Variants in AP2B1 observed in about 807,000 individuals in gnomAD.
AP2B1 encodes the protein AP-2 complex subunit beta.
Under a neutral mutation model 102.0 loss-of-function variants are expected in AP2B1, and 23 were observed. The observed-to-expected ratio is 0.23, with a 90% confidence interval of 0.16 to 0.32. The LOEUF is 0.32. AP2B1 is among the 10% of genes least tolerant of loss of function. The pLI is 1.00. For synonymous variants in AP2B1, 381 were observed against 421.2 expected (o/e 0.90, Z 1.17); for missense variants, 541 against 1,157.4 (o/e 0.47, Z 7.73).
In AP2B1 at chr17:35,605,656, G is replaced by A. The variant is rs147396999; in HGVS notation, c.144-49G>A. 1.0e-5 allele frequency: 14 copies of A among 1,387,266 alleles called. No homozygotes were observed. The African/African-American group carries it at 1.6e-4, about 16-fold the overall frequency. 85.9% of individuals were successfully genotyped at this position (1,387,266 alleles called of 1,614,324 possible). Reference sequence around the variant, plus strand: ...TATTCATGTTCTGTCCAACAGCTTGGCACCAACACCTGCTTACTTTCCTTT... The same window carrying A: ...TATTCATGTTCTGTCCAACAGCTTGACACCAACACCTGCTTACTTTCCTTT... On this transcript the variant is annotated intron_variant, in intron 3 of 21. Transcript: ENST00000610402.
chr17:35,669,094 A>G (rs1010504134), intron 14 of AP2B1, among the ~76,000 whole-genome samples: 3 of 150,616 alleles, frequency 2.0e-5, no homozygotes, highest in South Asian at 2.1e-4. Flanking sequence ...TATCTTTTCT[A>G]TTCCCTTCAC....
intron 18 of AP2B1, among the ~76,000 whole-genome samples, chr17:35,699,715 G>A (rs184415147): frequency 6.6e-6 from 1 of 152,270 alleles, no homozygotes; most frequent in African/African-American, 2.4e-5. Context: ...TGTTTTGTCA[G>A]GGTCTCTGAG....
intron 21 of AP2B1, among the ~76,000 whole-genome samples, chr17:35,718,588 C>T (rs2085255841): frequency 1.3e-5 from 2 of 152,048 alleles, no homozygotes; most frequent in Non-Finnish European, 1.5e-5. Context: ...TAGCACATGC[C>T]TGTAATCCCA....
At chr17:35,650,851 C>G (rs973538173) in intron 13 of AP2B1, 62 bp downstream of exon 13, 1 of 1,550,260 alleles carries the variant, frequency 6.5e-7, no homozygotes, top group Non-Finnish European at 8.8e-7. Context: ...CGTTGCTCTT[C>G]TTTATGCTTT....
intron 14 of AP2B1, among the ~76,000 whole-genome samples, chr17:35,665,573 C>T (rs929285446): frequency 6.6e-6 from 1 of 152,100 alleles, no homozygotes; most frequent in Non-Finnish European, 1.5e-5. Context: ...AGGATTTTGA[C>T]GATAGTTAAG....
At chr17:35,711,475 A>C (rs226438) in intron 20 of AP2B1, among the ~76,000 whole-genome samples, 16,820 of 146,760 alleles carry the variant, frequency 0.11, 1,316 homozygotes, top group South Asian at 0.2. Flanking sequence ...CCCCCACCCC[A>C]CTCCCCGGCC....
In AP2B1 at chr17:35,694,910, C is replaced by T. The variant is rs147123543; in HGVS notation, c.2454+12086C>T. Among the ~76,000 whole-genome samples the T allele has an allele frequency of 2.0e-4, 31 of 151,688 alleles. No homozygotes were observed. In the South Asian group the frequency reaches 6.0e-3, roughly 30 times the overall value. On this transcript the variant is annotated intron_variant, in intron 18 of 21. Transcript: ENST00000610402. ...AAACAAAAACAAAACAAAACAAAAA[C>T]CCAGTAAGCCCTACATAGCAAATAA...
chr17:35,620,463 C>T (rs1379736155), intron 5 of AP2B1, among the ~76,000 whole-genome samples: 1 of 150,604 alleles, frequency 6.6e-6, no homozygotes, highest in Non-Finnish European at 1.5e-5. Flanking sequence ...ACCAACCAAA[C>T]AAACCCCAAG....
intron 18 of AP2B1, among the ~76,000 whole-genome samples, chr17:35,695,263 T>A (rs925853037): frequency 1.3e-5 from 2 of 152,162 alleles, no homozygotes; most frequent in African/African-American, 4.8e-5. Context: ...AGGTGGGTTA[T>A]ACATTGGCAG....
chr17:35,722,635 C>T (rs587611983), intron 21 of AP2B1, among the ~76,000 whole-genome samples: 1 of 152,182 alleles, frequency 6.6e-6, no homozygotes, highest in East Asian at 1.9e-4. Flanking sequence ...TGTCCTTAGT[C>T]TCTAATAAGA....
At chr17:35,618,545 A>G (rs1361749990) in intron 5 of AP2B1, among the ~76,000 whole-genome samples, 1 of 152,218 alleles carries the variant, frequency 6.6e-6, no homozygotes, top group East Asian at 1.9e-4. Flanking sequence ...AAGTCACTGA[A>G]CTGGAAAGTG....
chr17:35,627,332 G>A (rs1174479458), intron 7 of AP2B1, 53 bp from the exon 8 acceptor site: 2 of 1,536,426 alleles, frequency 1.3e-6, no homozygotes, highest in Admixed American at 3.7e-5. Context: ...GTCTCAGAAG[G>A]GTATATCAGT....
intron 18 of AP2B1, among the ~76,000 whole-genome samples, chr17:35,706,101 T>C (rs753211849): frequency 1.3e-5 from 2 of 152,170 alleles, no homozygotes; most frequent in Non-Finnish European, 2.9e-5. Context: ...TGTTCTACAG[T>C]AGAAGTCCCA....
At chr17:35,706,163 G>A (rs1190490919) in intron 18 of AP2B1, among the ~76,000 whole-genome samples, 1 of 152,204 alleles carries the variant, frequency 6.6e-6, no homozygotes, top group Non-Finnish European at 1.5e-5. Context: ...GCAAAATGTT[G>A]TGTGTACATT....
At chr17:35,655,809 T>G (rs77388441) in intron 13 of AP2B1, among the ~76,000 whole-genome samples, 17 of 152,324 alleles carry the variant, frequency 1.1e-4, no homozygotes, top group Non-Finnish European at 2.4e-4. Context: ...CTTGGTAGTT[T>G]AGTTTTAGTT....
At chr17:35,612,860 T>A (rs994343750) in intron 5 of AP2B1, among the ~76,000 whole-genome samples, 1 of 136,590 alleles carries the variant, frequency 7.3e-6, no homozygotes, top group African/African-American at 2.8e-5. Flanking sequence ...TCACCTGAGG[T>A]CATTTAAATG....
At chr17:35,708,246 A>G (rs1178421109) in intron 18 of AP2B1, among the ~76,000 whole-genome samples, 7 of 152,220 alleles carry the variant, frequency 4.6e-5, no homozygotes, top group African/African-American at 1.2e-4. Context: ...ATGTTTTCCT[A>G]CAGCGCTAAG....
At chr17:35,710,923 G>T (rs2076433558) in intron 20 of AP2B1, among the ~76,000 whole-genome samples, 1 of 152,064 alleles carries the variant, frequency 6.6e-6, no homozygotes, top group Non-Finnish European at 1.5e-5. Context: ...AAAAAGCCTA[G>T]TTGGTAACCT....
At position 35,612,032 on chromosome 17, in the gene AP2B1, C is replaced by T. The variant is rs185107006; in HGVS notation, c.525+3645C>T. Among the ~76,000 whole-genome samples, 534 of 152,234 alleles carry T rather than the reference C, an allele frequency of 3.5e-3. 7 individuals are homozygous for T. Among genetic ancestry groups the T allele is most frequent in the Admixed American group, 0.021 (316 of 15,288 alleles). ...AGCTACTTGGTAGATTTTTGAGAAACAGTTTCAGGAATACCTCATATTTTG... is the reference window on the plus strand; with the variant it reads ...AGCTACTTGGTAGATTTTTGAGAAATAGTTTCAGGAATACCTCATATTTTG... On this transcript the variant is annotated intron_variant, in intron 5 of 21. Transcript: ENST00000610402.
Sources: allele counts gnomAD v4.1 joint callset (sites outside exome capture counted in the v4.1 genomes callset), GRCh38; gene constraint gnomAD v4.1.1; transcripts MANE v1.5; gene names NCBI Gene and HGNC (gene_info 2026-07-23, HGNC 2026-07-21).